Variants in SLC24A2 observed in about 807,000 individuals in gnomAD.
The protein encoded by SLC24A2 is sodium/potassium/calcium exchanger 2.
Under a neutral mutation model 62.0 loss-of-function variants are expected in SLC24A2, and 36 were observed. That is an observed-to-expected ratio of 0.58 (90% CI 0.44 to 0.77). SLC24A2 has a LOEUF of 0.77. Ranked by LOEUF, SLC24A2 falls within the 30% of genes least tolerant of loss-of-function variation. SLC24A2 has a pLI of 0.00. For synonymous variants in SLC24A2, 358 were observed against 294.0 expected, an observed-to-expected ratio of 1.22 and a Z score of -2.23; for missense variants, 846 against 817.9, an observed-to-expected ratio of 1.03 and a Z score of -0.42.
chr9:19,818,864 G>C, the SLC24A2 span, among the ~76,000 whole-genome samples: 3 of 151,848 alleles, frequency 2.0e-5, no homozygotes, highest in African/African-American at 7.3e-5. Flanking sequence ...ATTCATATGG[G>C]AACAAAAAAG....
the SLC24A2 span, among the ~76,000 whole-genome samples, chr9:20,247,561 T>C: frequency 1.3e-5 from 2 of 152,160 alleles, no homozygotes; most frequent in Non-Finnish European, 2.9e-5. Context: ...GTCAATTGTC[T>C]ACCAGGAAGC....
intron 10 of SLC24A2, among the ~76,000 whole-genome samples, chr9:19,518,652 C>G (rs1490935117): frequency 1.3e-5 from 2 of 152,088 alleles, no homozygotes; most frequent in Non-Finnish European, 2.9e-5. Flanking sequence ...AATCTCTTGA[C>G]CTTGTGATCC....
the SLC24A2 span, among the ~76,000 whole-genome samples, chr9:19,947,254 C>T: frequency 6.6e-6 from 1 of 152,304 alleles, no homozygotes; most frequent in Non-Finnish European, 1.5e-5. Flanking sequence ...GCTACAACCT[C>T]TGTCTGGATA....
intron 2 of SLC24A2, among the ~76,000 whole-genome samples, chr9:19,774,188 T>C (rs1055257615): frequency 4.6e-5 from 7 of 152,228 alleles, no homozygotes; most frequent in Admixed American, 1.3e-4. Context: ...AGTGTATCTT[T>C]GGTGGGTTGG....
chr9:19,770,141 A>G (rs182809630), intron 2 of SLC24A2, among the ~76,000 whole-genome samples: 5 of 151,814 alleles, frequency 3.3e-5, no homozygotes, highest in Admixed American at 3.3e-4. Flanking sequence ...TGATTTCTGT[A>G]TATGACCAAA....
At chr9:19,741,456 C>T (rs1821675021) in intron 2 of SLC24A2, among the ~76,000 whole-genome samples, 1 of 152,324 alleles carries the variant, frequency 6.6e-6, no homozygotes, top group South Asian at 2.1e-4. Context: ...TTTTCCAACA[C>T]TCACATAACA....
the SLC24A2 span, among the ~76,000 whole-genome samples, chr9:20,265,431 T>C: frequency 6.6e-6 from 1 of 152,214 alleles, no homozygotes; most frequent in African/African-American, 2.4e-5. Flanking sequence ...TTAATACTTT[T>C]ATAATTTCTT....
chr9:19,818,820 C>G, the SLC24A2 span, among the ~76,000 whole-genome samples: 1 of 152,104 alleles, frequency 6.6e-6, no homozygotes, highest in Admixed American at 6.5e-5. Context: ...ATACCACCAT[C>G]ATTCTTCACA....
chr9:20,233,657 T>C, the SLC24A2 span, among the ~76,000 whole-genome samples: 1 of 152,234 alleles, frequency 6.6e-6, no homozygotes, highest in African/African-American at 2.4e-5. Flanking sequence ...TACAGTACAC[T>C]GACGGGTCTT....
At chr9:19,732,874 TA>T (rs912202317) in intron 2 of SLC24A2, among the ~76,000 whole-genome samples, 15 of 151,688 alleles carry the variant, frequency 9.9e-5, no homozygotes, top group Middle Eastern at 3.4e-3. Context: ...AGCCCCAGTG[TA>T]AAAAAAAATC....
intron 2 of SLC24A2, among the ~76,000 whole-genome samples, chr9:19,751,296 G>A (rs1821975381): frequency 6.6e-6 from 1 of 152,166 alleles, no homozygotes; most frequent in Admixed American, 6.5e-5. Flanking sequence ...ATGTCCATAT[G>A]ACAGAGAAAG....
chr9:20,248,531 G>A, the SLC24A2 span, among the ~76,000 whole-genome samples: 24 of 152,254 alleles, frequency 1.6e-4, no homozygotes, highest in Non-Finnish European at 3.4e-4. Context: ...CAGATAAAAA[G>A]GGGCAGGCTC....
At chr9:19,556,294 TCGG>T (rs1227576445) in intron 7 of SLC24A2, among the ~76,000 whole-genome samples, 2 of 152,184 alleles carry the variant, frequency 1.3e-5, no homozygotes, top group African/African-American at 4.8e-5. Flanking sequence ...CATCAGGTCT[TCGG>T]TGGAGAAGCC....
At chr9:19,604,698 T>C (rs1310056029) in intron 4 of SLC24A2, among the ~76,000 whole-genome samples, 2 of 151,598 alleles carry the variant, frequency 1.3e-5, no homozygotes, top group Non-Finnish European at 2.9e-5. Flanking sequence ...ATAAGAGAAA[T>C]ATGAGAGGGC....
chr9:19,965,301 C>G, the SLC24A2 span, among the ~76,000 whole-genome samples: 2 of 152,232 alleles, frequency 1.3e-5, no homozygotes, highest in Admixed American at 1.3e-4. Context: ...GAAGCAGGGT[C>G]CTGGATGGCC....
the SLC24A2 span, among the ~76,000 whole-genome samples, chr9:20,305,248 C>T: frequency 6.6e-6 from 1 of 151,846 alleles, no homozygotes; most frequent in East Asian, 2.0e-4. Context: ...GCTGGGATTA[C>T]AGGTGTGTGC....
At chr9:19,990,793 G>T in the SLC24A2 span, among the ~76,000 whole-genome samples, 12 of 149,798 alleles carry the variant, frequency 8.0e-5, no homozygotes, top group African/African-American at 2.7e-4. Context: ...GCTTTATCCA[G>T]TGGATCCACG....
the SLC24A2 span, among the ~76,000 whole-genome samples, chr9:19,918,107 AATC>A: frequency 6.6e-6 from 1 of 151,544 alleles, no homozygotes; most frequent in South Asian, 2.1e-4. Flanking sequence ...CCTTCGAAAT[AATC>A]ATATTTTTCT....
At chr9:19,573,784 T>C (rs903143206) in intron 6 of SLC24A2, among the ~76,000 whole-genome samples, 4 of 152,134 alleles carry the variant, frequency 2.6e-5, no homozygotes, top group Non-Finnish European at 5.9e-5. Flanking sequence ...TTGGGTGCCC[T>C]ATCAGCTCCC....
Sources: allele counts gnomAD v4.1 joint callset (sites outside exome capture counted in the v4.1 genomes callset), GRCh38; gene constraint gnomAD v4.1.1; transcripts MANE v1.5; gene names NCBI Gene and HGNC (gene_info 2026-07-23, HGNC 2026-07-21).